CAAP1: variants seen among roughly 807,000 people sequenced by gnomAD.
The protein encoded by CAAP1 is conserved anti-apoptotic protein.
Under a neutral mutation model 34.0 loss-of-function variants are expected in CAAP1, and 20 were observed. That is an observed-to-expected ratio of 0.59 (90% CI 0.41 to 0.86). CAAP1 has a LOEUF of 0.86. Among genes scored for constraint, CAAP1 ranks in the 40% least tolerant of loss-of-function variants. The pLI, the probability that CAAP1 is intolerant of heterozygous loss-of-function variation, is 0.00. For missense variants in CAAP1, 538 were observed against 450.5 expected (o/e 1.19, Z -1.76); for synonymous variants, 213 against 166.7 (o/e 1.28, Z -2.14).
chr9:26,867,008 G>A (rs114927107), intron 4 of CAAP1, among the ~76,000 whole-genome samples: 1 of 152,058 alleles, frequency 6.6e-6, no homozygotes, highest in African/African-American at 2.4e-5. Context: ...ATTACGGCCT[G>A]AGCTCCACCC....
At chr9:26,868,194 G>A (rs1456518419) in intron 4 of CAAP1, among the ~76,000 whole-genome samples, 1 of 152,114 alleles carries the variant, frequency 6.6e-6, no homozygotes, top group East Asian at 1.9e-4. Flanking sequence ...CCCAGAACTA[G>A]TGAATGTTAC....
At chr9:26,853,611 C>T (rs1173644202) in intron 5 of CAAP1, among the ~76,000 whole-genome samples, 1 of 152,144 alleles carries the variant, frequency 6.6e-6, no homozygotes, top group Non-Finnish European at 1.5e-5. Context: ...TCAAATGCCG[C>T]TGATGGGTCA....
chr9:26,860,345 G>T (rs1822973296), intron 5 of CAAP1, among the ~76,000 whole-genome samples: 1 of 152,122 alleles, frequency 6.6e-6, no homozygotes, highest in Non-Finnish European at 1.5e-5. Context: ...CTGATTTAAA[G>T]AAAGCAATAA....
chr9:26,892,522 G>A lies in CAAP1; in HGVS notation c.194C>T (p.Thr65Ile), dbSNP rs774523972. ...ACAGCTGCCGCCGCTCCCACCGCCG[G>A]TGACACTTCCACTAAAATTGGCGTT... ...CGNANFSGSV[T>I]GGGSGGSCWG... is the part of the protein sequence containing the mutation. The change falls in exon 1 of 6, where the codon ACC becomes ATC. Residue 65 changes from threonine (T) to isoleucine (I), a missense_variant. Around this residue, in one of 3 missense-constraint regions of CAAP1, gnomAD observed 514 missense variants for 408.4 expected, o/e 1.26. Transcript: ENST00000333916. The A allele has an allele frequency of 5.7e-6, 9 of 1,572,750 alleles. No homozygotes were observed. The African/African-American group carries it at 8.1e-5, about 14-fold the overall frequency.
intron 5 of CAAP1, among the ~76,000 whole-genome samples, chr9:26,844,218 G>T (rs999209519): frequency 6.6e-6 from 1 of 152,138 alleles, no homozygotes; most frequent in Non-Finnish European, 1.5e-5. Flanking sequence ...TTGGCCAGGC[G>T]TAGGGGCACA....
intron 4 of CAAP1, among the ~76,000 whole-genome samples, chr9:26,879,904 A>C (rs1272847699): frequency 2.0e-5 from 3 of 152,152 alleles, no homozygotes; most frequent in Non-Finnish European, 4.4e-5. Context: ...CGTGCTTCTC[A>C]ACCTGCAGAC....
chr9:26,859,743 G>T (rs1431011140), intron 5 of CAAP1, among the ~76,000 whole-genome samples: 1 of 152,166 alleles, frequency 6.6e-6, no homozygotes, highest in Non-Finnish European at 1.5e-5. Context: ...GTGCTCAGAA[G>T]AAGTCAGAGT....
rs563490510 is a variant in CAAP1 at position 26,864,930 on chromosome 9, G to T, written c.666-3791C>A. ...TTGAATAAACTTATTATGTTATGCAGAACATTCTACATATTATATAACCTA... is the reference window on the plus strand; with the variant it reads ...TTGAATAAACTTATTATGTTATGCATAACATTCTACATATTATATAACCTA... On this transcript the variant is annotated intron_variant, in intron 4 of 5. Coordinates refer to ENST00000333916, the MANE Select transcript of CAAP1 (RefSeq NM_024828.4). 5.7e-4 allele frequency among the ~76,000 whole-genome samples: 87 copies of T among 152,258 alleles called. 1 individual carries two copies. Among genetic ancestry groups the T allele is most frequent in the African/African-American group, 2.0e-3 (82 of 41,550 alleles).
At chr9:26,856,364 T>A (rs1024081721) in intron 5 of CAAP1, among the ~76,000 whole-genome samples, 2 of 152,182 alleles carry the variant, frequency 1.3e-5, no homozygotes, top group African/African-American at 4.8e-5. Context: ...GATCAAAGAC[T>A]AAATCAAACA....
intron 4 of CAAP1, among the ~76,000 whole-genome samples, chr9:26,879,772 A>G (rs895394929): frequency 4.6e-5 from 7 of 151,990 alleles, no homozygotes; most frequent in Non-Finnish European, 8.8e-5. Context: ...CAGTTTTTAG[A>G]CTCTTGGACT....
rs1179385923 is a variant in CAAP1 at position 26,870,041 on chromosome 9, T to C, written c.666-8902A>G. 1.6e-5 allele frequency: 4 copies of C among 245,442 alleles called. No homozygotes were observed. The East Asian group carries it at 7.9e-4, about 48-fold the overall frequency. The allele number at this position is 245,442 out of a possible 1,614,324, so 15.2% of individuals were successfully genotyped here. A position where few individuals can be genotyped will look rare whatever the true frequency, so the allele number is the denominator to read the frequency against. ...GGTTTCTGTAATAGAAAGAATAACT[T>C]TTTTTTTTTTTTTTTTTTAACGCAG... On this transcript the variant is annotated intron_variant, in intron 4 of 5. Transcript: ENST00000333916.
chr9:26,874,206 CA>C (rs34601727), intron 4 of CAAP1, among the ~76,000 whole-genome samples: 4,920 of 53,308 alleles, frequency 0.092, 33 homozygotes, highest in East Asian at 0.11. Context: ...GACTCTGTCT[CA>C]AAAAAAAAAA....
chr9:26,880,434 G>C (rs972074423), intron 4 of CAAP1: 1 of 236,512 alleles, frequency 4.2e-6, no homozygotes, highest in South Asian at 5.3e-5. Flanking sequence ...GTAACAATGA[G>C]GTTTCTTCAC....
intron 4 of CAAP1, among the ~76,000 whole-genome samples, chr9:26,867,771 C>G (rs1246225555): frequency 6.6e-6 from 1 of 151,958 alleles, no homozygotes; most frequent in Non-Finnish European, 1.5e-5. Flanking sequence ...AGTATATTAC[C>G]ATATTGCAAA....
rs118139579 is a variant in CAAP1, at chr9:26,881,108, A to G, written c.665+3702T>C. ...AGGACAGTTTGAGGCCACAAATTCAACATCAACCTGGGTAACACAGCAAGA... is the reference window on the plus strand; with the variant it reads ...AGGACAGTTTGAGGCCACAAATTCAGCATCAACCTGGGTAACACAGCAAGA... On this transcript the variant is annotated intron_variant, in intron 4 of 5. Coordinates refer to ENST00000333916, the MANE Select transcript of CAAP1 (RefSeq NM_024828.4). 3.2e-3 allele frequency among the ~76,000 whole-genome samples: 487 copies of G among 152,204 alleles called. 1 individual carries two copies. The highest frequency in any genetic ancestry group is 0.014 in the Middle Eastern group (4 of 294).
In CAAP1 at chr9:26,878,842, T is replaced by G. The variant is rs566581977; in HGVS notation, c.665+5968A>C. 2.0e-5 allele frequency among the ~76,000 whole-genome samples: 3 copies of G among 152,078 alleles called. No homozygotes were observed. The South Asian group carries it at 6.2e-4, about 32-fold the overall frequency. On this transcript the variant is annotated intron_variant, in intron 4 of 5. Transcript: ENST00000333916. ...AAAAAAAAAATCCAACGCTTTCCTCTAGGATCTTCAATGCAAATCAATAAG... is the reference window on the plus strand; with the variant it reads ...AAAAAAAAAATCCAACGCTTTCCTCGAGGATCTTCAATGCAAATCAATAAG...
Position 26,842,487 on chromosome 9 carries a change from T to G in CAAP1, c.900A>C (p.Lys300Asn). The G allele has an allele frequency of 6.2e-7, 1 of 1,614,142 alleles. No individual in the cohort carries two copies. Among genetic ancestry groups the G allele is most frequent in the Non-Finnish European group, 8.5e-7 (1 of 1,180,024 alleles). ...CCAGTCCTAGAATCTCATTCACACT[T>G]TTCTCAATGTCTTTCTCCAGGTCAT... ...QIDDLEKDIEKSVNEILGLAE... is the reference protein window; with the variant it reads ...QIDDLEKDIENSVNEILGLAE... Residue 300 changes from lysine to asparagine, a missense_variant, in exon 6 of 6, where the codon AAA becomes AAC. Lys to Asn is a moderately conservative substitution (Grantham distance 94). This residue lies in a region of CAAP1 where 514 missense variants were observed against 408.4 expected (regional missense o/e 1.26). Transcript: ENST00000333916.
rs142163346 is a variant in CAAP1, at chr9:26,877,440, CATT to C, written c.665+7367_665+7369del. Among the ~76,000 whole-genome samples the C allele has an allele frequency of 4.0e-3, 616 of 152,292 alleles. 2 individuals are homozygous for C. The highest frequency in any genetic ancestry group is 6.7e-3 in the Non-Finnish European group (453 of 68,022). ...CTATACATCTCTCAGTGCAATTCCTCATTATTAAGTGTCACATGACTGTATTTT... is the reference window on the plus strand; with the variant it reads ...CTATACATCTCTCAGTGCAATTCCTCATTAAGTGTCACATGACTGTATTTT... On this transcript the variant is annotated intron_variant, in intron 4 of 5. Coordinates refer to ENST00000333916, the MANE Select transcript of CAAP1 (RefSeq NM_024828.4).
chr9:26,873,340 G>A (rs1307771893), intron 4 of CAAP1, among the ~76,000 whole-genome samples: 1 of 152,160 alleles, frequency 6.6e-6, no homozygotes, highest in Non-Finnish European at 1.5e-5. Context: ...TCTCAACACT[G>A]TTTATTATCT....
Sources: allele counts gnomAD v4.1 joint callset (sites outside exome capture counted in the v4.1 genomes callset), GRCh38; gene constraint gnomAD v4.1.1; regional missense constraint gnomAD v4.1.1; transcripts MANE v1.5; gene names NCBI Gene and HGNC (gene_info 2026-07-23, HGNC 2026-07-21).